Variants in HMMR observed in about 807,000 individuals in gnomAD.
HMMR encodes the protein hyaluronan mediated motility receptor.
Under a neutral mutation model 101.0 loss-of-function variants are expected in HMMR, and 108 were observed. The observed-to-expected ratio is 1.07, with a 90% CI of 0.92 to 1.25. HMMR has a LOEUF of 1.25. Among genes scored for constraint, HMMR ranks in the 50% most tolerant of loss-of-function variants. The pLI, the probability that HMMR is intolerant of heterozygous loss-of-function variation, is 0.00. For missense variants in HMMR, 813 were observed against 788.7 expected (o/e 1.03, Z -0.37); for synonymous variants, 296 against 276.4 (o/e 1.07, Z -0.70).
intron 16 of HMMR, among the ~76,000 whole-genome samples, chr5:163,484,451 A>G (rs1027027402): frequency 2.0e-5 from 3 of 152,150 alleles, no homozygotes; most frequent in Admixed American, 6.5e-5. Flanking sequence ...CCTTCTTAAT[A>G]TATTGAAAAT....
At chr5:163,488,787 G>C (rs1759573562) in intron 16 of HMMR, among the ~76,000 whole-genome samples, 1 of 152,104 alleles carries the variant, frequency 6.6e-6, no homozygotes, top group Admixed American at 6.5e-5. Context: ...TCAAATTCTG[G>C]CTCCTTTGTA....
intron 1 of HMMR, among the ~76,000 whole-genome samples, chr5:163,461,130 T>C (rs1342802029): frequency 1.3e-5 from 2 of 152,150 alleles, no homozygotes; most frequent in South Asian, 2.1e-4. Context: ...GCATTTCTTT[T>C]GTGTATTCCA....
At chr5:163,473,286 A>AC in intron 8 of HMMR, 33 bp downstream of exon 8, 2 of 1,480,176 alleles carry the variant, frequency 1.4e-6, no homozygotes, top group Non-Finnish European at 1.9e-6. Flanking sequence ...ATTGAACCTT[A>AC]TTTTTTTAAT....
chr5:163,485,613 C>A (rs948119843), intron 16 of HMMR, among the ~76,000 whole-genome samples: 3 of 152,154 alleles, frequency 2.0e-5, no homozygotes, highest in African/African-American at 7.2e-5. Flanking sequence ...CCATTCTGTG[C>A]ATTGTCTTTT....
At chr5:163,479,128 G>T (rs777002429) in intron 12 of HMMR, among the ~76,000 whole-genome samples, 2 of 152,152 alleles carry the variant, frequency 1.3e-5, no homozygotes, top group African/African-American at 4.8e-5. Flanking sequence ...GAAGCATTTG[G>T]TGCTTCTGCC....
rs186522623 is a variant in HMMR, at chr5:163,475,613, G to A, written c.1209G>A (p.Leu403=). 2.5e-6 allele frequency: 4 copies of A among 1,613,004 alleles called. No individual in the cohort carries two copies. Among genetic ancestry groups the A allele is most frequent in the Admixed American group, 3.3e-5 (2 of 59,966 alleles). ...AAGCTGAAAGGCTGGTCAAGCAATT[G>A]GAAGAGGAAGCAAAATCTAGAGCTG... ...EEQAERLVKQ[L]EEEAKSRAEE... Residue 403 remains leucine (L), a synonymous_variant, in exon 11 of 18, where the codon TTG becomes TTA. Coordinates refer to ENST00000393915, the MANE Select transcript of HMMR (RefSeq NM_001142556.2).
intron 7 of HMMR, 46 bp from the exon 8 acceptor site, chr5:163,473,133 A>G: frequency 3.0e-6 from 3 of 1,004,042 alleles, no homozygotes; most frequent in South Asian, 1.4e-5. Flanking sequence ...TAAGATTATT[A>G]AATAACGAAA....
chr5:163,484,473 T>C (rs1215805592), intron 16 of HMMR, among the ~76,000 whole-genome samples: 1 of 152,176 alleles, frequency 6.6e-6, no homozygotes, highest in African/African-American at 2.4e-5. Flanking sequence ...ACTTGAGTAA[T>C]TGGATGAATT....
intron 16 of HMMR, among the ~76,000 whole-genome samples, chr5:163,485,257 C>T (rs1759438036): frequency 6.6e-6 from 1 of 152,142 alleles, no homozygotes; most frequent in Non-Finnish European, 1.5e-5. Flanking sequence ...AAAGGTCAGG[C>T]TGTATTCAAA....
chr5:163,473,687 TATAG>T, intron 9 of HMMR, 130 bp downstream of exon 9: 1 of 589,320 alleles, frequency 1.7e-6, no homozygotes, highest in Non-Finnish European at 2.9e-6. Context: ...TAATTAGCTA[TATAG>T]CTATACAACA....
Position 163,483,032 on chromosome 5 carries a change from T to A in HMMR, c.1545T>A (p.Asp515Glu). The A allele has an allele frequency of 1.9e-6, 3 of 1,601,102 alleles. No individual in the cohort carries two copies. The highest frequency in any genetic ancestry group is 2.6e-6 in the Non-Finnish European group (3 of 1,176,094). Reference sequence around the variant, plus strand: ...TCTCAAACCAAAGGATGCTTCTAGATCTGCAGACCAAGTCAGCACTAAAGG... The same window carrying A: ...TCTCAAACCAAAGGATGCTTCTAGAACTGCAGACCAAGTCAGCACTAAAGG... ...SNQEYVRMLL[D>E]LQTKSALKET... The change falls in exon 14 of 18, where the codon GAT becomes GAA. Residue 515 changes from aspartate (D) to glutamate (E), a missense_variant. By Grantham distance (45) the Asp-to-Glu change is conservative. Coordinates refer to ENST00000393915, the MANE Select transcript of HMMR (RefSeq NM_001142556.2).
intron 8 of HMMR, 50 bp from the exon 9 acceptor site, chr5:163,473,329 T>C (rs1270761144): frequency 1.3e-6 from 2 of 1,529,548 alleles, no homozygotes; most frequent in East Asian, 4.5e-5. Flanking sequence ...TCTGTTATTT[T>C]CCCTGTGCCT....
At chr5:163,488,043 A>G (rs558706440) in intron 16 of HMMR, among the ~76,000 whole-genome samples, 36 of 152,222 alleles carry the variant, frequency 2.4e-4, no homozygotes, top group Admixed American at 1.8e-3. Flanking sequence ...TTTTGTAGAG[A>G]CAGAGTTTTG....
chr5:163,465,955 A>G (rs1297705088), intron 3 of HMMR, among the ~76,000 whole-genome samples: 1 of 135,648 alleles, frequency 7.4e-6, no homozygotes, highest in Admixed American at 7.4e-5. Context: ...AGCGAGACTC[A>G]GTCTCTCCAA....
chr5:163,470,107 G>T (rs1346520617), intron 5 of HMMR, among the ~76,000 whole-genome samples: 1 of 152,140 alleles, frequency 6.6e-6, no homozygotes, highest in Non-Finnish European at 1.5e-5. Context: ...GGTGGAGGTT[G>T]CAGTGAGCTG....
At position 163,482,641 on chromosome 5, in the gene HMMR, G is replaced by C. The variant is rs1452691048; in HGVS notation, c.1386-1G>C. The C allele has an allele frequency of 6.2e-7, 1 of 1,604,382 alleles. No individual in the cohort carries two copies. Among genetic ancestry groups the C allele is most frequent in the Admixed American group, 1.7e-5 (1 of 59,476 alleles). On this transcript the variant is annotated splice_acceptor_variant, in intron 12 of 17. Coordinates refer to ENST00000393915, the MANE Select transcript of HMMR (RefSeq NM_001142556.2). LOFTEE classifies it high-confidence loss of function. ...TTTGACTTTTTTTTCTTTTTAATAA[G>C]CTATAAAGCGTTAACAGCCAGTGAG...
chr5:163,478,827 T>A, intron 12 of HMMR, 27 bp downstream of exon 12: 1 of 1,223,380 alleles, frequency 8.2e-7, no homozygotes, highest in Non-Finnish European at 1.2e-6. Flanking sequence ...CCTGCACTCT[T>A]AAATATGATG....
In HMMR at chr5:163,478,765, G is replaced by A; in HGVS notation, c.1350G>A (p.Val450=). 1 of 1,610,944 alleles carries A rather than the reference G, an allele frequency of 6.2e-7. No homozygotes were observed. Among genetic ancestry groups the A allele is most frequent in the African/African-American group, 1.3e-5 (1 of 74,988 alleles). ...TGCAGGAAAAGTATGACAGTATGGT[G>A]CAAAGCCTTGAAGATGTTACTGCTC... ...LLLQEKYDSM[V]QSLEDVTAQF... is the part of the protein sequence containing the mutation. Residue 450 remains valine (V), a synonymous_variant, in exon 12 of 18, where the codon GTG becomes GTA. Transcript: ENST00000393915.
chr5:163,483,422 C>A (rs1759350794), intron 15 of HMMR, 55 bp downstream of exon 15: 2 of 990,460 alleles, frequency 2.0e-6, no homozygotes, highest in Non-Finnish European at 1.6e-6. Flanking sequence ...TCACTTTGTT[C>A]CCTATTATAG....
Sources: gnomAD v4.1 joint callset for allele counts (sites outside exome capture counted in the v4.1 genomes callset) on GRCh38, gnomAD v4.1.1 for gene constraint, MANE v1.5 for transcripts, NCBI Gene and HGNC (gene_info 2026-07-23, HGNC 2026-07-21) for gene names.